CATSPERE: variants seen among roughly 807,000 people sequenced by gnomAD.
CATSPERE encodes the protein catsper channel auxiliary subunit epsilon.
In CATSPERE, 93 loss-of-function variants were observed where a neutral mutation model predicts 114.1. That is an observed-to-expected ratio of 0.81 (90% CI 0.69 to 0.97). CATSPERE has a LOEUF of 0.97. Ranked by LOEUF, CATSPERE falls within the 50% of genes least tolerant of loss-of-function variation. CATSPERE has a pLI of 0.00. For synonymous variants in CATSPERE, 341 were observed against 384.1 expected, an observed-to-expected ratio of 0.89 and a Z score of 1.31; for missense variants, 1,058 against 1,131.6, an observed-to-expected ratio of 0.93 and a Z score of 0.93.
In CATSPERE at chr1:244,560,711, A is replaced by T. The variant is rs1662427233; in HGVS notation, c.1073A>T (p.Glu358Val). 1 of 1,613,438 alleles carries T rather than the reference A, an allele frequency of 6.2e-7. No homozygotes were observed. The highest frequency in any genetic ancestry group is 1.7e-4 in the Middle Eastern group (1 of 6,052). ...RSTFAVWTEN[E>V]IYLGSILLKF... ...ACCTTTGCAGTCTGGACAGAAAATG[A>T]AATTTACCTCGGATCCATTCTTCTT... is the stretch of plus-strand genomic sequence containing the variant. Residue 358 changes from glutamate (E) to valine (V), a missense_variant, in exon 10 of 22, where the codon GAA (glutamate) becomes GTA (valine). Physicochemically the swap from Glu to Val is moderately radical, Grantham distance 121. Transcript: ENST00000366534.
At position 244,461,389 on chromosome 1, in the gene CATSPERE, G is replaced by C. The variant is rs748651970; in HGVS notation, c.-41G>C. 3 of 1,330,562 alleles carry C rather than the reference G, an allele frequency of 2.3e-6. No individual in the cohort carries two copies. Among genetic ancestry groups the C allele is most frequent in the Non-Finnish European group, 2.9e-6 (3 of 1,034,236 alleles). 82.4% of individuals were successfully genotyped at this position (1,330,562 alleles called of 1,614,324 possible). On this transcript the variant is annotated 5_prime_UTR_variant, in exon 1 of 22. Transcript: ENST00000366534. The stretch of plus-strand genomic sequence containing the variant: ...CCACGGGAATGCGCGAGGCCTGGAC[G>C]GGAGTGGCCGAGGCGGTTGGGCGGA...
chr1:244,569,179 G>T (rs577403322), intron 10 of CATSPERE, among the ~76,000 whole-genome samples: 44 of 152,206 alleles, frequency 2.9e-4, no homozygotes, highest in African/African-American at 1.0e-3. Flanking sequence ...GGCTTCCCTT[G>T]GCTAGGGGAG....
intron 20 of CATSPERE, among the ~76,000 whole-genome samples, chr1:244,621,170 TATAG>T (rs1180857806): frequency 8.7e-6 from 1 of 114,476 alleles, no homozygotes; most frequent in African/African-American, 3.6e-5. Context: ...ATATATTATA[TATAG>T]ATATATTTAT....
At position 244,640,089 on chromosome 1, in the gene CATSPERE, GAA is replaced by G; in HGVS notation, c.*10_*11del. The G allele has an allele frequency of 6.5e-7, 1 of 1,541,882 alleles. No individual in the cohort carries two copies. The highest frequency in any genetic ancestry group is 8.8e-7 in the Non-Finnish European group (1 of 1,139,666). The stretch of plus-strand genomic sequence containing the variant: ...AAACGTAAGAAGAATTAGGAAAACT[GAA>G]AGTTTGTTTATTACAGATATATGCA... On this transcript the variant is annotated 3_prime_UTR_variant, in exon 22 of 22. Coordinates refer to ENST00000366534, the MANE Select transcript of CATSPERE (RefSeq NM_001130957.2).
chr1:244,513,517 G>T (rs2148339303), intron 7 of CATSPERE, among the ~76,000 whole-genome samples: 1 of 152,338 alleles, frequency 6.6e-6, no homozygotes, highest in Non-Finnish European at 1.5e-5. Context: ...GGCAGCGGCA[G>T]TTGGGGTGAG....
chr1:244,586,985 T>A (rs1667110588), intron 13 of CATSPERE, among the ~76,000 whole-genome samples: 1 of 152,212 alleles, frequency 6.6e-6, no homozygotes, highest in South Asian at 2.1e-4. Flanking sequence ...CTGTAAGCCT[T>A]CCTTTAATAT....
chr1:244,635,364 T>C (rs1378843026), intron 20 of CATSPERE, 125 bp from the exon 21 acceptor site: 5 of 660,862 alleles, frequency 7.6e-6, no homozygotes, highest in Admixed American at 2.7e-5. Context: ...ATTCTGTCCT[T>C]TGTCAAGAAA....
upstream of CATSPERE, chr1:244,452,115 GC>G (rs1399010814): frequency 3.9e-6 from 1 of 255,450 alleles, no homozygotes; most frequent in Non-Finnish European, 7.4e-6. Flanking sequence ...CCCTTCCGCG[GC>G]CTGGCGCGCC....
chr1:244,593,522 A>G lies in CATSPERE; in HGVS notation c.2247A>G (p.Glu749=). ...KNLRVRYIWG[E]YGCPLRLDFT... ...AGAGAGTAAGGTATATTTGGGGAGA[A>G]TATGGCTGCCCTCTGAGGCTTGACT... Residue 749 remains glutamate (E), a synonymous_variant, in exon 17 of 22, where the codon GAA becomes GAG. Transcript: ENST00000366534. 1 of 1,614,130 alleles carries G rather than the reference A, an allele frequency of 6.2e-7. No individual in the cohort carries two copies. Among genetic ancestry groups the G allele is most frequent in the Non-Finnish European group, 8.5e-7 (1 of 1,179,968 alleles).
At chr1:244,535,859 A>G (rs972139428) in intron 8 of CATSPERE, among the ~76,000 whole-genome samples, 1 of 151,926 alleles carries the variant, frequency 6.6e-6, no homozygotes, top group Non-Finnish European at 1.5e-5. Context: ...TGTAGCTGCC[A>G]CAGCTGGGAA....
intron 20 of CATSPERE, among the ~76,000 whole-genome samples, chr1:244,623,689 C>T (rs144066334): frequency 1.3e-5 from 2 of 152,040 alleles, no homozygotes; most frequent in African/African-American, 2.4e-5. Flanking sequence ...AGACCCCTGC[C>T]GTAAAGCGAG....
intron 7 of CATSPERE, among the ~76,000 whole-genome samples, chr1:244,515,679 T>A (rs900781874): frequency 2.6e-5 from 4 of 152,166 alleles, no homozygotes; most frequent in Admixed American, 6.5e-5. Flanking sequence ...CAAGTAAGAA[T>A]GTTTCAAACG....
chr1:244,460,316 A>G (rs1333125877), upstream of CATSPERE, among the ~76,000 whole-genome samples: 1 of 152,138 alleles, frequency 6.6e-6, no homozygotes, highest in Non-Finnish European at 1.5e-5. Context: ...CGCTCCTAAG[A>G]TCGGTGCTCG....
At chr1:244,477,873 A>T (rs117468858) in intron 3 of CATSPERE, 33 bp from the exon 4 acceptor site, 2 of 1,519,398 alleles carry the variant, frequency 1.3e-6, no homozygotes, top group Non-Finnish European at 1.8e-6. Context: ...ATATGCACCT[A>T]TAATTATTCT....
chr1:244,530,692 G>T (rs769559898), intron 8 of CATSPERE, among the ~76,000 whole-genome samples: 4 of 151,988 alleles, frequency 2.6e-5, no homozygotes, highest in South Asian at 2.1e-4. Flanking sequence ...TTTAGTTGTT[G>T]CATCAATATT....
At position 244,566,652 on chromosome 1, in the gene CATSPERE, C is replaced by CTTTTTTTTTTTTTTTTTTTTTTTT. The variant is rs59466928; in HGVS notation, c.1507+5519_1507+5542dup. On this transcript the variant is annotated intron_variant, in intron 10 of 21. Transcript: ENST00000366534. ...TCAGAGACTAGGATTGCAACCCCTG[C>CTTTTTTTTTTTTTTTTTTTTTTTT]TTTTTTTTTTTTTTTTTTTTTTTTT... 8.2e-5 allele frequency among the ~76,000 whole-genome samples: 4 copies of CTTTTTTTTTTTTTTTTTTTTTTTT among 49,068 alleles called. 1 individual carries two copies. Among genetic ancestry groups the CTTTTTTTTTTTTTTTTTTTTTTTT allele is most frequent in the Non-Finnish European group, 2.1e-4 (3 of 14,274 alleles). 32.2% of individuals were successfully genotyped at this position (49,068 alleles called of 152,430 possible). A position where few individuals can be genotyped will look rare whatever the true frequency, so the allele number is the denominator to read the frequency against.
At chr1:244,595,573 A>C (rs1378955114) in intron 17 of CATSPERE, among the ~76,000 whole-genome samples, 1 of 152,218 alleles carries the variant, frequency 6.6e-6, no homozygotes, top group African/African-American at 2.4e-5. Flanking sequence ...CCAGGAAGCT[A>C]GCTAGGTGGA....
chr1:244,495,321 A>G (rs1162490101), intron 6 of CATSPERE, among the ~76,000 whole-genome samples: 5 of 152,214 alleles, frequency 3.3e-5, no homozygotes, highest in African/African-American at 1.2e-4. Context: ...AAAGTAGTGA[A>G]AAAGGGGTGA....
Position 244,639,912 on chromosome 1 carries a change from T to C in CATSPERE, c.2703-16T>C. 2 of 1,527,438 alleles carry C rather than the reference T, an allele frequency of 1.3e-6. No individual in the cohort carries two copies. The highest frequency in any genetic ancestry group is 1.8e-6 in the Non-Finnish European group (2 of 1,141,600). 94.6% of individuals were successfully genotyped at this position (1,527,438 alleles called of 1,614,324 possible). A position where few individuals can be genotyped will look rare whatever the true frequency, so the allele number is the denominator to read the frequency against. On this transcript the variant is annotated splice_polypyrimidine_tract_variant and intron_variant, in intron 21 of 21. Transcript: ENST00000366534. ...CAATGACTTCTAATGCCTTTTTTTT[T>C]TTTTTCTGATTTCAGTCCAAGTGTC...
Sources: allele counts gnomAD v4.1 joint callset (sites outside exome capture counted in the v4.1 genomes callset), GRCh38; gene constraint gnomAD v4.1.1; transcripts MANE v1.5; gene names NCBI Gene and HGNC (gene_info 2026-07-23, HGNC 2026-07-21).